MCC: variants seen among roughly 807,000 people sequenced by gnomAD.
MCC encodes the protein colorectal mutant cancer protein.
Under a neutral mutation model 116.2 loss-of-function variants are expected in MCC, and 90 were observed. The ratio of observed to expected loss-of-function variants is 0.77; its 90% CI spans 0.65 to 0.92. The LOEUF (loss-of-function observed/expected upper bound fraction) is 0.92, where lower values mean the gene tolerates loss of function less well. Ranked by LOEUF, MCC falls within the 40% of genes least tolerant of loss-of-function variation. The pLI is 0.00. For synonymous variants in MCC, 578 were observed against 510.5 expected (o/e 1.13, Z -1.78); for missense variants, 1,516 against 1,312.2 (o/e 1.16, Z -2.40).
intron 14 of MCC, among the ~76,000 whole-genome samples, chr5:113,063,412 T>C (rs1298546648): frequency 6.6e-6 from 1 of 152,222 alleles, no homozygotes; most frequent in East Asian, 1.9e-4. Flanking sequence ...TCACAGACAG[T>C]GAACTTGACC....
At chr5:113,187,829 C>A (rs2044241) in intron 3 of MCC, among the ~76,000 whole-genome samples, 103,487 of 151,188 alleles carry the variant, frequency 0.68, 36,741 homozygotes, top group Admixed American at 0.81. Flanking sequence ...CAAAATAGAA[C>A]ATCAAAGACT....
At chr5:113,030,703 T>C (rs986223281) in intron 17 of MCC, among the ~76,000 whole-genome samples, 4 of 152,112 alleles carry the variant, frequency 2.6e-5, no homozygotes, top group Non-Finnish European at 5.9e-5. Context: ...CAGATGGCCA[T>C]GCACTGGCAT....
At chr5:113,186,480 C>T (rs1032540204) in intron 3 of MCC, among the ~76,000 whole-genome samples, 7 of 152,182 alleles carry the variant, frequency 4.6e-5, no homozygotes, top group Admixed American at 1.3e-4. Flanking sequence ...TACTGCCTTC[C>T]AAAATTAACA....
At chr5:113,181,353 A>G (rs988023462) in intron 3 of MCC, among the ~76,000 whole-genome samples, 1 of 152,228 alleles carries the variant, frequency 6.6e-6, no homozygotes, top group Non-Finnish European at 1.5e-5. Context: ...GAAGAGATTC[A>G]CTTTTACTGG....
At chr5:113,134,659 T>G (rs1034180785) in intron 5 of MCC, among the ~76,000 whole-genome samples, 2 of 147,416 alleles carry the variant, frequency 1.4e-5, no homozygotes, top group Admixed American at 6.9e-5. Context: ...AGGGATTACA[T>G]TGACTCTATA....
At chr5:113,151,571 G>T in intron 3 of MCC, 149 bp from the exon 4 acceptor site, 1 of 596,264 alleles carries the variant, frequency 1.7e-6, no homozygotes, top group Non-Finnish European at 3.0e-6. Context: ...GAGTTTTGGG[G>T]ACAACAGGCA....
At chr5:113,279,215 G>C (rs140055664) in intron 3 of MCC, among the ~76,000 whole-genome samples, 2 of 152,046 alleles carry the variant, frequency 1.3e-5, no homozygotes, top group African/African-American at 2.4e-5. Context: ...ATCATTTCAC[G>C]ACATGGTGTG....
chr5:113,090,492 G>T (rs1755535296), intron 8 of MCC, among the ~76,000 whole-genome samples: 1 of 152,176 alleles, frequency 6.6e-6, no homozygotes, highest in Admixed American at 6.5e-5. Flanking sequence ...AATAAAAAAG[G>T]ATTAAAACCA....
At chr5:113,366,133 ATTAG>A (rs1561539650) in intron 2 of MCC, among the ~76,000 whole-genome samples, 3 of 152,128 alleles carry the variant, frequency 2.0e-5, no homozygotes, top group South Asian at 2.1e-4. Context: ...TTCATTTCTA[ATTAG>A]TTAATTTTAA....
intron 13 of MCC, 56 bp downstream of exon 13, chr5:113,068,024 A>C: frequency 1.4e-6 from 2 of 1,454,774 alleles, no homozygotes; most frequent in Non-Finnish European, 1.9e-6. Context: ...AGACAGGGGC[A>C]GAAGCAAAGG....
intron 6 of MCC, among the ~76,000 whole-genome samples, chr5:113,107,773 A>G (rs570581664): frequency 3.9e-5 from 6 of 152,288 alleles, no homozygotes; most frequent in Admixed American, 2.0e-4. Flanking sequence ...CTGATGCAAT[A>G]ATGACAATGG....
intron 3 of MCC, among the ~76,000 whole-genome samples, chr5:113,202,762 T>G (rs966879624): frequency 6.9e-6 from 1 of 144,168 alleles, no homozygotes. Context: ...TCAGCCCCAA[T>G]GCAGATGAAA....
chr5:113,222,789 C>T (rs1213072665), intron 3 of MCC, among the ~76,000 whole-genome samples: 2 of 152,208 alleles, frequency 1.3e-5, no homozygotes, highest in African/African-American at 2.4e-5. Context: ...CAAGATACAA[C>T]CCCTATCCTC....
intron 18 of MCC, 92 bp downstream of exon 18, chr5:113,028,842 T>C: frequency 7.1e-7 from 1 of 1,415,178 alleles, no homozygotes; most frequent in East Asian, 2.4e-5. Context: ...GTTAGGGAAA[T>C]GTCCATCCCT....
At chr5:113,359,999 C>T (rs1161489797) in intron 2 of MCC, among the ~76,000 whole-genome samples, 2 of 152,146 alleles carry the variant, frequency 1.3e-5, no homozygotes, top group African/African-American at 2.4e-5. Flanking sequence ...TAAGCCCTTG[C>T]TAGTCACTAA....
intron 12 of MCC, among the ~76,000 whole-genome samples, chr5:113,068,490 C>T (rs1275916579): frequency 6.6e-6 from 1 of 152,212 alleles, no homozygotes; most frequent in African/African-American, 2.4e-5. Context: ...TGTGGTAGGC[C>T]ACTCCAGGTA....
At chr5:113,091,820 G>C (rs1180879167) in intron 8 of MCC, among the ~76,000 whole-genome samples, 1 of 152,064 alleles carries the variant, frequency 6.6e-6, no homozygotes, top group Non-Finnish European at 1.5e-5. Flanking sequence ...GGCAGGTCAA[G>C]GCCATGGTGG....
chr5:113,203,567 G>T (rs1234086303), intron 3 of MCC, among the ~76,000 whole-genome samples: 1 of 152,140 alleles, frequency 6.6e-6, no homozygotes, highest in Non-Finnish European at 1.5e-5. Flanking sequence ...ACTATTTACA[G>T]AAGAGTCAAG....
chr5:113,086,231 C>G (rs912446292), intron 8 of MCC, among the ~76,000 whole-genome samples: 1 of 152,066 alleles, frequency 6.6e-6, no homozygotes, highest in Non-Finnish European at 1.5e-5. Flanking sequence ...CCAGAGAAAG[C>G]TGAATGAAGA....
Sources: allele counts gnomAD v4.1 joint callset (sites outside exome capture counted in the v4.1 genomes callset), GRCh38; gene constraint gnomAD v4.1.1; transcripts MANE v1.5; gene names NCBI Gene and HGNC (gene_info 2026-07-23, HGNC 2026-07-21).